Variants in TNKS observed in about 807,000 individuals in gnomAD.
TNKS encodes the protein tankyrase, also known as poly [ADP-ribose] polymerase tankyrase-1.
TNKS carries 72 observed loss-of-function variants against 135.8 expected under a neutral mutation model. The observed-to-expected ratio is 0.53, with a 90% CI of 0.44 to 0.64. The LOEUF is 0.64. Among genes scored for constraint, TNKS ranks in the 30% least tolerant of loss-of-function variants. The pLI is 0.00. For synonymous variants in TNKS, 849 were observed against 649.3 expected (o/e 1.31, Z -4.68); for missense variants, 1,769 against 1,674.0 (o/e 1.06, Z -0.99).
intron 5 of TNKS, among the ~76,000 whole-genome samples, chr8:9,688,765 G>C (rs1290492548): frequency 1.3e-5 from 2 of 152,106 alleles, no homozygotes; most frequent in African/African-American, 4.8e-5. Context: ...TCAGCCTCCT[G>C]AGTAGCTGAG....
rs182061919 is a variant in TNKS at position 9,630,866 on chromosome 8, T to A, written c.994+15189T>A. On this transcript the variant is annotated intron_variant, in intron 3 of 26. Transcript: ENST00000310430. ...TTGATTGCCTTATGCTCTAGAAACA[T>A]TCTCAGATCTTTAAAAAAATTAAAT... 2.0e-5 allele frequency among the ~76,000 whole-genome samples: 3 copies of A among 152,346 alleles called. No homozygotes were observed. In the East Asian group the frequency reaches 5.8e-4, roughly 29 times the overall value.
intron 5 of TNKS, among the ~76,000 whole-genome samples, chr8:9,699,187 A>G (rs1181319313): frequency 6.6e-6 from 1 of 152,220 alleles, no homozygotes. Flanking sequence ...TATTTTAGAA[A>G]TGGGGCTGCC....
chr8:9,565,973 A>G (rs1186893780), intron 1 of TNKS, among the ~76,000 whole-genome samples: 1 of 152,208 alleles, frequency 6.6e-6, no homozygotes, highest in Non-Finnish European at 1.5e-5. Context: ...TATATGTCAA[A>G]TTATATGTTG....
At chr8:9,625,364 C>G (rs1430201791) in intron 3 of TNKS, among the ~76,000 whole-genome samples, 2 of 151,576 alleles carry the variant, frequency 1.3e-5, no homozygotes, top group African/African-American at 2.4e-5. Context: ...TTTCATTATT[C>G]AAATTCTTTT....
chr8:9,720,519 A>T lies in TNKS; in HGVS notation c.1895A>T (p.Asn632Ile). The T allele has an allele frequency of 6.2e-7, 1 of 1,614,014 alleles. No homozygotes were observed. Among genetic ancestry groups the T allele is most frequent in the Non-Finnish European group, 8.5e-7 (1 of 1,179,962 alleles). ...LQGFTAAQMG[N>I]EAVQQILSES... Reference sequence around the variant, plus strand: ...GGCTTCACAGCAGCACAGATGGGCAATGAAGCAGTGCAGCAGATTCTGAGT... The same window carrying T: ...GGCTTCACAGCAGCACAGATGGGCATTGAAGCAGTGCAGCAGATTCTGAGT... Residue 632 changes from asparagine (N) to isoleucine (I), a missense_variant, in exon 12 of 27, where the codon AAT becomes ATT. By Grantham distance (149) the Asn-to-Ile change is moderately radical. Transcript: ENST00000310430.
intron 3 of TNKS, among the ~76,000 whole-genome samples, chr8:9,640,138 A>T (rs1206423907): frequency 6.6e-6 from 1 of 152,220 alleles, no homozygotes; most frequent in African/African-American, 2.4e-5. Context: ...AAGGAAATCC[A>T]TTTTGTGTTG....
intron 1 of TNKS, chr8:9,575,325 T>G: frequency 1.2e-6 from 1 of 867,102 alleles, no homozygotes; most frequent in Non-Finnish European, 1.4e-6. Context: ...GACCTCGTGA[T>G]CCGCCTGCTT....
chr8:9,620,449 C>G (rs1799823781), intron 3 of TNKS, among the ~76,000 whole-genome samples: 1 of 152,196 alleles, frequency 6.6e-6, no homozygotes, highest in South Asian at 2.1e-4. Context: ...GTTCTCTTCA[C>G]TGCAGCTAGA....
At chr8:9,605,950 A>ATTTGAT (rs1369313755) in intron 2 of TNKS, among the ~76,000 whole-genome samples, 1 of 151,944 alleles carries the variant, frequency 6.6e-6, no homozygotes, top group East Asian at 1.9e-4. Flanking sequence ...ATTTTGATAA[A>ATTTGAT]ACACAGTTTA....
chr8:9,766,434 C>T lies in TNKS; in HGVS notation c.3740+9C>T. On this transcript the variant is annotated intron_variant, in intron 25 of 26. Coordinates refer to ENST00000310430, the MANE Select transcript of TNKS (RefSeq NM_003747.3). ...TGCTATATATGTCACAGGTAAGCATCTTGCCATTAGTGTAACGTTTCCCAC... is the reference window on the plus strand; with the variant it reads ...TGCTATATATGTCACAGGTAAGCATTTTGCCATTAGTGTAACGTTTCCCAC... The T allele has an allele frequency of 3.9e-6, 6 of 1,530,840 alleles. No individual in the cohort carries two copies. The highest frequency in any genetic ancestry group is 4.4e-6 in the Non-Finnish European group (5 of 1,132,228). 94.8% of individuals were successfully genotyped at this position (1,530,840 alleles called of 1,614,324 possible).
At chr8:9,585,334 T>C (rs766402199) in intron 2 of TNKS, among the ~76,000 whole-genome samples, 3 of 151,952 alleles carry the variant, frequency 2.0e-5, no homozygotes, top group African/African-American at 4.8e-5. Flanking sequence ...ACACGTGATA[T>C]GAGTTTCAGA....
At chr8:9,750,151 G>GT (rs966413956) in intron 18 of TNKS, among the ~76,000 whole-genome samples, 2 of 152,116 alleles carry the variant, frequency 1.3e-5, no homozygotes, top group African/African-American at 4.8e-5. Context: ...CACCTTAGAG[G>GT]TTTTTTAAAG....
intron 12 of TNKS, among the ~76,000 whole-genome samples, chr8:9,723,445 C>T (rs1805005805): frequency 6.6e-6 from 1 of 151,984 alleles, no homozygotes. Flanking sequence ...CTTTAGAAAC[C>T]TGCACTTTCA....
At chr8:9,708,989 CG>C (rs11290833) in intron 9 of TNKS, among the ~76,000 whole-genome samples, 88,013 of 151,820 alleles carry the variant, frequency 0.58, 25,800 homozygotes, top group Middle Eastern at 0.71. Flanking sequence ...AAACTATCCA[CG>C]TTTTTTTCTT....
intron 3 of TNKS, among the ~76,000 whole-genome samples, chr8:9,659,749 A>G (rs890013697): frequency 3.9e-5 from 6 of 152,352 alleles, no homozygotes; most frequent in Admixed American, 3.9e-4. Flanking sequence ...GCAGAACTGA[A>G]GGAGATAGAG....
intron 1 of TNKS, among the ~76,000 whole-genome samples, chr8:9,569,445 A>G (rs1797677847): frequency 6.6e-6 from 1 of 152,186 alleles, no homozygotes; most frequent in Non-Finnish European, 1.5e-5. Context: ...GTCTGTTTTG[A>G]ACTTGTGATA....
At position 9,595,266 on chromosome 8, in the gene TNKS, AC is replaced by A. The variant is rs537477253; in HGVS notation, c.898+14886del. ...CTCCTGAGTAGCTAGGATTACAGGC[AC>A]CCTTGAATTGGGATCTTTTAAACAA... On this transcript the variant is annotated intron_variant, in intron 2 of 26. Coordinates refer to ENST00000310430, the MANE Select transcript of TNKS (RefSeq NM_003747.3). 2.0e-3 allele frequency among the ~76,000 whole-genome samples: 310 copies of A among 152,008 alleles called. 2 individuals carry two copies. The highest frequency in any genetic ancestry group is 3.7e-3 in the Non-Finnish European group (253 of 67,968).
At chr8:9,682,688 T>C (rs1802831004) in intron 5 of TNKS, among the ~76,000 whole-genome samples, 2 of 152,092 alleles carry the variant, frequency 1.3e-5, no homozygotes, top group South Asian at 2.1e-4. Context: ...AATAGAACTT[T>C]GTTGTTCCTT....
intron 5 of TNKS, 108 bp downstream of exon 5, chr8:9,680,908 G>A: frequency 2.8e-6 from 2 of 725,876 alleles, no homozygotes; most frequent in Non-Finnish European, 4.7e-6. Flanking sequence ...ATTTTAACTG[G>A]CATCTTTTCA....
Sources: allele counts gnomAD v4.1 joint callset (sites outside exome capture counted in the v4.1 genomes callset), GRCh38; gene constraint gnomAD v4.1.1; transcripts MANE v1.5; gene names NCBI Gene and HGNC (gene_info 2026-07-23, HGNC 2026-07-21).